Variants in GPC6 observed in about 807,000 individuals in gnomAD.
The protein encoded by GPC6 is glypican 6, also known as glypican-6.
Under a neutral mutation model 55.2 loss-of-function variants are expected in GPC6, and 14 were observed. The observed-to-expected ratio is 0.25, with a 90% CI of 0.17 to 0.40. The LOEUF is 0.40. GPC6 is among the 10% of genes least tolerant of loss of function. The pLI is 1.00. For synonymous variants in GPC6, 278 were observed against 259.6 expected (o/e 1.07, Z -0.68); for missense variants, 641 against 708.5 (o/e 0.90, Z 1.08).
At chr13:93,323,947 C>T (rs1879550088) in intron 1 of GPC6, among the ~76,000 whole-genome samples, 1 of 152,054 alleles carries the variant, frequency 6.6e-6, no homozygotes, top group South Asian at 2.1e-4. Context: ...TGGGTATATA[C>T]CCAGAGGAAA....
At chr13:94,128,897 A>G (rs543840609) in intron 4 of GPC6, among the ~76,000 whole-genome samples, 3 of 152,250 alleles carry the variant, frequency 2.0e-5, no homozygotes, top group East Asian at 1.9e-4. Context: ...TTCTTCCTCC[A>G]TAACTACTTT....
chr13:93,565,592 G>C (rs1267682167), intron 2 of GPC6, among the ~76,000 whole-genome samples: 1 of 151,934 alleles, frequency 6.6e-6, no homozygotes, highest in African/African-American at 2.4e-5. Flanking sequence ...TTTTATCTAA[G>C]GACCCTCAGC....
chr13:93,432,577 T>C (rs753489398), intron 1 of GPC6, among the ~76,000 whole-genome samples: 11 of 152,132 alleles, frequency 7.2e-5, no homozygotes, highest in Admixed American at 3.9e-4. Context: ...AGAATGAAAC[T>C]CGGAGAACTT....
chr13:94,171,921 C>G (rs779265124), intron 4 of GPC6, among the ~76,000 whole-genome samples: 14 of 152,256 alleles, frequency 9.2e-5, no homozygotes, highest in Non-Finnish European at 1.8e-4. Flanking sequence ...GGAAGGTGTA[C>G]TAGCTGTACA....
At chr13:94,053,543 T>C (rs1884028912) in intron 4 of GPC6, among the ~76,000 whole-genome samples, 1 of 152,150 alleles carries the variant, frequency 6.6e-6, no homozygotes. Context: ...CAGTGAACCA[T>C]GGTAGTTCCT....
chr13:93,460,595 G>A (rs975419486), intron 1 of GPC6, among the ~76,000 whole-genome samples: 3 of 152,062 alleles, frequency 2.0e-5, no homozygotes, highest in Non-Finnish European at 2.9e-5. Flanking sequence ...TAACATGTAA[G>A]TTTTTCAGTG....
At chr13:94,353,889 T>C (rs1379998759) in intron 6 of GPC6, among the ~76,000 whole-genome samples, 1 of 152,172 alleles carries the variant, frequency 6.6e-6, no homozygotes, top group Non-Finnish European at 1.5e-5. Context: ...CAAAAAGTGG[T>C]ACTCAGAACT....
chr13:94,242,368 A>G (rs1384037303), intron 4 of GPC6, among the ~76,000 whole-genome samples: 3 of 152,084 alleles, frequency 2.0e-5, no homozygotes, highest in Non-Finnish European at 4.4e-5. Flanking sequence ...TAGAAATGCC[A>G]TTTGACCCAG....
chr13:93,779,683 A>G (rs1885577391), intron 2 of GPC6, among the ~76,000 whole-genome samples: 1 of 152,162 alleles, frequency 6.6e-6, no homozygotes, highest in Admixed American at 6.5e-5. Flanking sequence ...TATCTGCCCC[A>G]GTTATCACTG....
chr13:93,320,927 G>T (rs1363803410), intron 1 of GPC6, among the ~76,000 whole-genome samples: 2 of 143,414 alleles, frequency 1.4e-5, no homozygotes, highest in African/African-American at 2.6e-5. Context: ...AACAATAGCG[G>T]TTTTTTAAAT....
At chr13:93,701,419 C>G (rs553537099) in intron 2 of GPC6, among the ~76,000 whole-genome samples, 54 of 151,990 alleles carry the variant, frequency 3.6e-4, no homozygotes, top group Non-Finnish European at 6.6e-4. Context: ...TAATGATCAT[C>G]TGAGCACTGA....
intron 3 of GPC6, among the ~76,000 whole-genome samples, chr13:93,895,231 T>C (rs1875928575): frequency 2.6e-5 from 2 of 77,238 alleles, no homozygotes; most frequent in South Asian, 8.9e-4. Flanking sequence ...TATGTGTGTG[T>C]GTGTATATAT....
intron 3 of GPC6, among the ~76,000 whole-genome samples, chr13:93,965,278 G>A (rs1165985133): frequency 6.6e-6 from 1 of 151,862 alleles, no homozygotes; most frequent in Non-Finnish European, 1.5e-5. Flanking sequence ...GGGCATGGTG[G>A]CAGACGCCTG....
chr13:94,260,527 C>G (rs1204677398), intron 4 of GPC6, among the ~76,000 whole-genome samples: 1 of 152,180 alleles, frequency 6.6e-6, no homozygotes, highest in Non-Finnish European at 1.5e-5. Context: ...GCATCCTAAT[C>G]TCTTCTTCTT....
intron 4 of GPC6, among the ~76,000 whole-genome samples, chr13:94,130,615 T>C (rs1049012552): frequency 1.3e-5 from 2 of 152,116 alleles, no homozygotes; most frequent in African/African-American, 4.8e-5. Context: ...CTTTGGAAAC[T>C]CTATTTAGCT....
chr13:94,022,377 A>G (rs947023082), intron 3 of GPC6, among the ~76,000 whole-genome samples: 3 of 151,988 alleles, frequency 2.0e-5, no homozygotes, highest in African/African-American at 7.2e-5. Context: ...CACTTAGGAT[A>G]ATGTCCTATA....
chr13:94,038,891 C>G (rs1415662803), intron 4 of GPC6, among the ~76,000 whole-genome samples: 1 of 151,924 alleles, frequency 6.6e-6, no homozygotes, highest in African/African-American at 2.4e-5. Context: ...GAATTATCAA[C>G]TAATTGTTAA....
At chr13:93,312,230 G>C (rs1879096276) in intron 1 of GPC6, among the ~76,000 whole-genome samples, 1 of 151,960 alleles carries the variant, frequency 6.6e-6, no homozygotes, top group African/African-American at 2.4e-5. Context: ...TTGTGTTACT[G>C]CTTTTCATTT....
intron 1 of GPC6, among the ~76,000 whole-genome samples, chr13:93,231,151 C>G (rs1358123602): frequency 1.3e-5 from 2 of 151,384 alleles, no homozygotes; most frequent in African/African-American, 4.8e-5. Context: ...CTTTAATAAA[C>G]TTACCTAAGG....
Sources: allele counts gnomAD v4.1 joint callset (sites outside exome capture counted in the v4.1 genomes callset), GRCh38; gene constraint gnomAD v4.1.1; transcripts MANE v1.5; gene names NCBI Gene and HGNC (gene_info 2026-07-23, HGNC 2026-07-21).